Variants in SPTA1 observed in about 807,000 individuals in gnomAD.
The protein encoded by SPTA1 is spectrin alpha, erythrocytic 1.
Under a neutral mutation model 324.7 loss-of-function variants are expected in SPTA1, and 177 were observed. The observed-to-expected ratio is 0.55, with a 90% CI of 0.48 to 0.62. The LOEUF (loss-of-function observed/expected upper bound fraction) is 0.62. Ranked by LOEUF, SPTA1 falls within the 20% of genes least tolerant of loss-of-function variation. The probability of loss-of-function intolerance (pLI) is 0.00; values close to 1 mark genes in which losing one functional copy is unlikely to be tolerated. For synonymous variants in SPTA1, 1,195 were observed against 1,041.3 expected, an observed-to-expected ratio of 1.15 and a Z score of -2.84; for missense variants, 3,162 against 2,883.6, an observed-to-expected ratio of 1.10 and a Z score of -2.21.
intron 8 of SPTA1, among the ~76,000 whole-genome samples, chr1:158,675,040 G>A (rs763174058): frequency 3.3e-5 from 5 of 152,096 alleles, no homozygotes; most frequent in Non-Finnish European, 7.4e-5. Flanking sequence ...CACCTTATGG[G>A]AAGGAAGAAC....
Position 158,645,174 on chromosome 1 carries a change from G to T in SPTA1, c.4194+14C>A, listed in dbSNP as rs191403349. The T allele has an allele frequency of 6.2e-7, 1 of 1,613,644 alleles. No individual in the cohort carries two copies. The highest frequency in any genetic ancestry group is 8.5e-7 in the Non-Finnish European group (1 of 1,179,690). ...ACTACTGAACCTGCTTAACAATTGG[G>T]AAATTTGCTGTACCTGCAACTCCAG... On this transcript the variant is annotated intron_variant, in intron 29 of 51. Coordinates refer to ENST00000643759, the MANE Select transcript of SPTA1 (RefSeq NM_003126.4).
At position 158,623,012 on chromosome 1, in the gene SPTA1, A is replaced by G; in HGVS notation, c.6091T>C (p.Leu2031=). The part of the protein sequence containing the change: ...LEASAVHRQK[L]LEKQLPLQKA... Reference sequence around the variant, plus strand: ...TGTAGAGGCAGCTGTTTCTCCAGCAATTTCTGTCTGTGGACTGCCGAGGCT... The same window carrying G: ...TGTAGAGGCAGCTGTTTCTCCAGCAGTTTCTGTCTGTGGACTGCCGAGGCT... The change falls in exon 43 of 52, where the codon TTG becomes CTG. Residue 2031 remains leucine, a synonymous_variant. Transcript: ENST00000643759. 6.2e-7 allele frequency: 1 copy of G among 1,614,150 alleles called. No homozygotes were observed. Among genetic ancestry groups the G allele is most frequent in the African/African-American group, 1.3e-5 (1 of 75,048 alleles).
intron 15 of SPTA1, among the ~76,000 whole-genome samples, chr1:158,667,188 T>C (rs1653666629): frequency 6.6e-6 from 1 of 152,236 alleles, no homozygotes; most frequent in Admixed American, 6.5e-5. Context: ...ATGACATATT[T>C]ATTCTGTAAT....
intron 10 of SPTA1, 129 bp downstream of exon 10, chr1:158,674,200 G>A (rs1245798745): frequency 2.0e-6 from 2 of 1,002,234 alleles, no homozygotes; most frequent in Non-Finnish European, 1.6e-6. Flanking sequence ...GTAAAAGTTT[G>A]ATTCATATTA....
rs1442558972 is a variant in SPTA1 at position 158,638,034 on chromosome 1, C to T, written c.5188G>A (p.Glu1730Lys). The change falls in exon 36 of 52, where the codon GAG (glutamate) becomes AAG (lysine). Residue 1730 changes from glutamate (E) to lysine (K), a missense_variant and splice_region_variant. Transcript: ENST00000643759. ...QDLDDEESWI[E>K]EKLIRVSSQD... ...CATTTTTGAGCTGGTGGCACATACT[C>T]TATCCAGGATTCCTCATCATCTAGA... 2 of 1,613,622 alleles carry T rather than the reference C, an allele frequency of 1.2e-6. No individual in the cohort carries two copies. Among genetic ancestry groups the T allele is most frequent in the East Asian group, 2.2e-5 (1 of 44,884 alleles).
intron 14 of SPTA1, among the ~76,000 whole-genome samples, chr1:158,668,419 T>C (rs1319363923): frequency 1.3e-5 from 2 of 152,276 alleles, no homozygotes; most frequent in Admixed American, 6.5e-5. Flanking sequence ...TTGACCCATA[T>C]AGAGATCTGT....
chr1:158,685,300 G>T lies in SPTA1; in HGVS notation c.72C>A (p.Ile24=). The change falls in exon 2 of 52, where the codon ATC becomes ATA. Residue 24 remains isoleucine (I), a synonymous_variant. Coordinates refer to ENST00000643759, the MANE Select transcript of SPTA1 (RefSeq NM_003126.4). ...GPKVLETAEE[I]QERRQEVLTR... Reference sequence around the variant, plus strand: ...TCAACACTTCCTGACGCCTCTCCTGGATCTCTTCTGCTGTTTCCAAAACCT... The same window carrying T: ...TCAACACTTCCTGACGCCTCTCCTGTATCTCTTCTGCTGTTTCCAAAACCT... 6.2e-7 allele frequency: 1 copy of T among 1,613,710 alleles called. No individual in the cohort carries two copies. The highest frequency in any genetic ancestry group is 8.5e-7 in the Non-Finnish European group (1 of 1,179,832).
chr1:158,645,116 T>C (rs935791054), intron 29 of SPTA1, 72 bp downstream of exon 29: 1 of 1,529,780 alleles, frequency 6.5e-7, no homozygotes, highest in African/African-American at 1.4e-5. Flanking sequence ...ACGGAGCCTG[T>C]AATGACCATA....
chr1:158,627,816 G>A (rs1650378296), intron 39 of SPTA1, 93 bp from the exon 40 acceptor site: 8 of 1,270,030 alleles, frequency 6.3e-6, no homozygotes, highest in Non-Finnish European at 9.1e-6. Context: ...ATTCCCTAGG[G>A]TTGATTCAAT....
chr1:158,671,981 G>A, intron 11 of SPTA1, 78 bp downstream of exon 11: 2 of 1,572,632 alleles, frequency 1.3e-6, no homozygotes, highest in East Asian at 2.2e-5. Flanking sequence ...TGGTTGTGAG[G>A]GAACTCATGG....
At chr1:158,617,487 C>T (rs377703218) in intron 47 of SPTA1, 50 bp downstream of exon 47, 1 of 1,505,222 alleles carries the variant, frequency 6.6e-7, no homozygotes, top group Non-Finnish European at 9.2e-7. Flanking sequence ...TATTTTTACA[C>T]TCCTTATAAT....
At chr1:158,651,101 T>G (rs1370340741) in intron 24 of SPTA1, among the ~76,000 whole-genome samples, 1 of 152,168 alleles carries the variant, frequency 6.6e-6, no homozygotes, top group Non-Finnish European at 1.5e-5. Flanking sequence ...TCCCACCCCA[T>G]CCATGAAATG....
intron 7 of SPTA1, 31 bp downstream of exon 7, chr1:158,677,659 C>G (rs747104468): frequency 1.2e-6 from 2 of 1,611,846 alleles, no homozygotes; most frequent in Non-Finnish European, 1.7e-6. Flanking sequence ...TCTAGCTCAA[C>G]GGGTTAGCCA....
Position 158,642,801 on chromosome 1 carries a change from A to T in SPTA1, c.4605+13T>A. On this transcript the variant is annotated intron_variant, in intron 32 of 51. Coordinates refer to ENST00000643759, the MANE Select transcript of SPTA1 (RefSeq NM_003126.4). ...AATGGTGAAATTTTCCAAGATTCCTATTTTGAACTTGCCTGAATGTTAGTG... is the reference window on the plus strand; with the variant it reads ...AATGGTGAAATTTTCCAAGATTCCTTTTTTGAACTTGCCTGAATGTTAGTG... 1 of 1,613,824 alleles carries T rather than the reference A, an allele frequency of 6.2e-7. No individual in the cohort carries two copies. Among genetic ancestry groups the T allele is most frequent in the Non-Finnish European group, 8.5e-7 (1 of 1,179,824 alleles).
chr1:158,680,561 G>A (rs368531340), intron 5 of SPTA1, 22 bp downstream of exon 5: 1 of 1,613,486 alleles, frequency 6.2e-7, no homozygotes, highest in South Asian at 1.1e-5. Context: ...TGCACGGAGT[G>A]AATATTTTGC....
chr1:158,654,729 A>T lies in SPTA1; in HGVS notation c.2918T>A (p.Val973Glu). 6.2e-7 allele frequency: 1 copy of T among 1,613,714 alleles called. No individual in the cohort carries two copies. The highest frequency in any genetic ancestry group is 1.1e-5 in the South Asian group (1 of 91,062). ...NACQQQQAAP[V>E]EGVAGEQRVM... ...CCTTTGTTCTCCAGCAACTCCCTCC[A>T]CTGGTGCAGCCTGTTGTTGCTGAAT... The change falls in exon 21 of 52, where the codon GTG becomes GAG. Residue 973 changes from valine (V) to glutamate (E), a missense_variant. By Grantham distance (121) the Val-to-Glu change is moderately radical. Coordinates refer to ENST00000643759, the MANE Select transcript of SPTA1 (RefSeq NM_003126.4).
chr1:158,654,899 C>G (rs1198659919), intron 20 of SPTA1, 151 bp from the exon 21 acceptor site: 2 of 1,040,800 alleles, frequency 1.9e-6, no homozygotes, highest in Non-Finnish European at 2.8e-6. Context: ...AGTATGTGGT[C>G]TTCAGAGAGA....
chr1:158,665,811 GACA>G (rs1027019637), intron 16 of SPTA1, among the ~76,000 whole-genome samples: 1 of 152,138 alleles, frequency 6.6e-6, no homozygotes, highest in Non-Finnish European at 1.5e-5. Context: ...AACAGGAAAA[GACA>G]ACTTTATCCC....
intron 26 of SPTA1, 86 bp from the exon 27 acceptor site, chr1:158,647,806 CT>C: frequency 7.0e-7 from 1 of 1,422,856 alleles, no homozygotes; most frequent in Non-Finnish European, 9.8e-7. Flanking sequence ...CAGTATTCAG[CT>C]CCTCAAATAG....
Sources: allele counts gnomAD v4.1 joint callset (sites outside exome capture counted in the v4.1 genomes callset), GRCh38; gene constraint gnomAD v4.1.1; transcripts MANE v1.5; gene names NCBI Gene and HGNC (gene_info 2026-07-23, HGNC 2026-07-21).